SQLE: variants seen among roughly 807,000 people sequenced by gnomAD.
SQLE encodes squalene epoxidase.
A neutral mutation model predicts 60.7 loss-of-function variants in SQLE; 29 were observed. The observed-to-expected ratio is 0.48, with a 90% CI of 0.36 to 0.65. SQLE has a LOEUF of 0.65. Ranked by LOEUF, SQLE falls within the 30% of genes least tolerant of loss-of-function variation. The pLI is 0.00. For synonymous variants in SQLE, 237 were observed against 246.8 expected, an observed-to-expected ratio of 0.96 and a Z score of 0.37; for missense variants, 605 against 684.1, an observed-to-expected ratio of 0.88 and a Z score of 1.29.
intron 2 of SQLE, among the ~76,000 whole-genome samples, chr8:125,003,944 C>T (rs1048070880): frequency 7.2e-5 from 11 of 152,006 alleles, no homozygotes; most frequent in Admixed American, 2.6e-4. Context: ...CAAGCCCTCC[C>T]CTGTCTTTTT....
At position 125,013,356 on chromosome 8, in the gene SQLE, C is replaced by CTTTTTCTTTTTTTTTTT. The variant is rs71576761; in HGVS notation, c.1204+1729_1204+1730insCTTTTTTTTTTTTTTTT. ...AGATTTACTCCTATGTTTTCTTTTTCTTTTTTTTTTTTTGAGATGGAGTTT... is the reference window on the plus strand; with the variant it reads ...AGATTTACTCCTATGTTTTCTTTTTCTTTTTCTTTTTTTTTTTTTTTTTTTTTTTTGAGATGGAGTTT... On this transcript the variant is annotated intron_variant, in intron 7 of 10. Coordinates refer to ENST00000265896, the MANE Select transcript of SQLE (RefSeq NM_003129.4). Among the ~76,000 whole-genome samples, 38 of 136,414 alleles carry CTTTTTCTTTTTTTTTTT rather than the reference C, an allele frequency of 2.8e-4. 4 individuals are homozygous for CTTTTTCTTTTTTTTTTT. The highest frequency in any genetic ancestry group is 7.7e-3 in the Middle Eastern group (2 of 260). 89.5% of individuals were successfully genotyped at this position (136,414 alleles called of 152,430 possible).
chr8:125,014,734 G>C (rs1815085923), intron 7 of SQLE, among the ~76,000 whole-genome samples: 1 of 152,120 alleles, frequency 6.6e-6, no homozygotes, highest in African/African-American at 2.4e-5. Flanking sequence ...GTTCCTCATA[G>C]TACTGATTTC....
intron 7 of SQLE, among the ~76,000 whole-genome samples, chr8:125,012,632 A>G (rs1467563172): frequency 6.6e-6 from 1 of 152,184 alleles, no homozygotes; most frequent in Non-Finnish European, 1.5e-5. Flanking sequence ...GTGTGGCTAT[A>G]TTACATTTTG....
In SQLE at chr8:125,003,323, A is replaced by G. The variant is rs1337489997; in HGVS notation, c.439A>G (p.Arg147Gly). The G allele has an allele frequency of 3.1e-6, 5 of 1,614,000 alleles. No homozygotes were observed. The highest frequency in any genetic ancestry group is 4.2e-6 in the Non-Finnish European group (5 of 1,179,892). The change falls in exon 2 of 11, where the codon AGA (arginine) becomes GGA (glycine). Residue 147 changes from arginine (R) to glycine (G), a missense_variant. Coordinates refer to ENST00000265896, the MANE Select transcript of SQLE (RefSeq NM_003129.4). Reference sequence around the variant, plus strand: ...GGCAGCTGTGCTTTCCAGAGATGGAAGAAAGGTGACAGTCATTGAGAGAGA... The same window carrying G: ...GGCAGCTGTGCTTTCCAGAGATGGAGGAAAGGTGACAGTCATTGAGAGAGA... Reference protein sequence around the residue: ...ALAAVLSRDGRKVTVIERDLK... With the variant: ...ALAAVLSRDGGKVTVIERDLK...
chr8:125,003,769 G>C (rs1022333688), intron 2 of SQLE, among the ~76,000 whole-genome samples: 4 of 152,072 alleles, frequency 2.6e-5, no homozygotes, highest in African/African-American at 7.2e-5. Context: ...ACTTGTTACA[G>C]TGTTATTACT....
chr8:125,020,789 C>G lies in SQLE; in HGVS notation c.1450C>G (p.Leu484Val), dbSNP rs757623226. Residue 484 changes from leucine to valine, a missense_variant, in exon 10 of 11, where the codon CTG becomes GTG. Coordinates refer to ENST00000265896, the MANE Select transcript of SQLE (RefSeq NM_003129.4). ...ATTTTACAATTTTATTTTAGATTCCCTGCATCAACTAAGAAAAGCCTGTTT... is the reference window on the plus strand; with the variant it reads ...ATTTTACAATTTTATTTTAGATTCCGTGCATCAACTAAGAAAAGCCTGTTT... Reference protein sequence around the residue: ...YELFSATDDSLHQLRKACFLY... With the variant: ...YELFSATDDSVHQLRKACFLY... The G allele has an allele frequency of 2.5e-6, 4 of 1,608,752 alleles. No homozygotes were observed. The South Asian group carries it at 4.4e-5, about 18-fold the overall frequency.
At chr8:125,021,025 C>T (rs940005087) in intron 10 of SQLE, 154 bp downstream of exon 10, 31 of 603,194 alleles carry the variant, frequency 5.1e-5, no homozygotes, top group South Asian at 2.3e-4. Flanking sequence ...AATGAAGAAA[C>T]GCAATATTTA....
At chr8:125,009,135 GAA>G in intron 5 of SQLE, 35 bp from the exon 6 acceptor site, 1 of 1,569,638 alleles carries the variant, frequency 6.4e-7, no homozygotes, top group South Asian at 1.2e-5. Context: ...CTTGAAATTT[GAA>G]AATTATTAAA....
Position 125,021,987 on chromosome 8 carries a change from C to A in SQLE, c.*42C>A, listed in dbSNP as rs376975638. On this transcript the variant is annotated 3_prime_UTR_variant, in exon 11 of 11. Transcript: ENST00000265896. ...TTTGTGAATGAATATTTGGAACTTACCAAGTCCTAAGAGACTTTTGGAAGA... is the reference window on the plus strand; with the variant it reads ...TTTGTGAATGAATATTTGGAACTTAACAAGTCCTAAGAGACTTTTGGAAGA... 3 of 1,485,444 alleles carry A rather than the reference C, an allele frequency of 2.0e-6. No individual in the cohort carries two copies. Among genetic ancestry groups the A allele is most frequent in the African/African-American group, 1.4e-5 (1 of 71,834 alleles). 92.0% of individuals were successfully genotyped at this position (1,485,444 alleles called of 1,614,324 possible). A position where few individuals can be genotyped will look rare whatever the true frequency, so the allele number is the denominator to read the frequency against.
chr8:125,013,062 A>G (rs1168802121), intron 7 of SQLE, among the ~76,000 whole-genome samples: 4 of 152,194 alleles, frequency 2.6e-5, no homozygotes, highest in African/African-American at 4.8e-5. Flanking sequence ...GGAGAAATGT[A>G]TATTTAGACT....
chr8:125,015,476 T>C (rs781764555), intron 7 of SQLE, among the ~76,000 whole-genome samples: 4 of 152,204 alleles, frequency 2.6e-5, no homozygotes, highest in Non-Finnish European at 5.9e-5. Flanking sequence ...CCTGTTTCCT[T>C]TCTGTGAAGG....
At chr8:125,018,228 G>A in intron 8 of SQLE, 27 bp downstream of exon 8, 1 of 1,608,540 alleles carries the variant, frequency 6.2e-7, no homozygotes, top group East Asian at 2.2e-5. Flanking sequence ...TGACAAAAAT[G>A]TCTCAAAATG....
rs1056703769 is a variant in SQLE, at chr8:125,016,478, A to G, written c.1205-1581A>G. Among the ~76,000 whole-genome samples, 12 of 151,840 alleles carry G rather than the reference A, an allele frequency of 7.9e-5. No individual in the cohort carries two copies. Among genetic ancestry groups the G allele is most frequent in the African/African-American group, 2.7e-4 (11 of 41,340 alleles). On this transcript the variant is annotated intron_variant, in intron 7 of 10. Transcript: ENST00000265896. The surrounding 1 kb of genome is among the most constrained non-coding windows in gnomAD (Gnocchi z 4.1). ...TAAATTATTTCAGTTGTTTTGTTAA[A>G]CTTACCTGATAGCATTCTGAGTTCC...
At position 125,021,861 on chromosome 8, in the gene SQLE, T is replaced by C. The variant is rs756357586; in HGVS notation, c.1641T>C (p.Leu547=). The C allele has an allele frequency of 3.1e-6, 5 of 1,611,226 alleles. No individual in the cohort carries two copies. The South Asian group carries it at 5.5e-5, about 18-fold the overall frequency. ...SEPWITKPRA[L]LSSGAVLYKA... is the part of the protein sequence containing the mutation. ...CTTGGATTACAAAACCTCGAGCCCT[T>C]CTCAGTAGTGGTGCTGTATTGTACA... Residue 547 remains leucine, a synonymous_variant, in exon 11 of 11, where the codon CTT becomes CTC. Transcript: ENST00000265896.
At chr8:125,006,986 A>T (rs1240958661) in intron 3 of SQLE, among the ~76,000 whole-genome samples, 2 of 152,160 alleles carry the variant, frequency 1.3e-5, no homozygotes, top group South Asian at 4.1e-4. Context: ...TACAGGTGTG[A>T]GCCACCGTGC....
intron 6 of SQLE, chr8:125,010,979 A>C (rs570339445): frequency 1.3e-5 from 2 of 152,184 alleles, no homozygotes; most frequent in East Asian, 3.8e-4. Context: ...TTCATTTTCT[A>C]TATAAGTAGC....
In SQLE at chr8:125,009,234, C is replaced by T. The variant is rs1413661630; in HGVS notation, c.999C>T (p.Leu333=). 2.5e-6 allele frequency: 4 copies of T among 1,613,782 alleles called. No homozygotes were observed. The highest frequency in any genetic ancestry group is 1.3e-5 in the African/African-American group (1 of 74,932). Residue 333 remains leucine (L), a synonymous_variant, in exon 6 of 11, where the codon CTC becomes CTT. Coordinates refer to ENST00000265896, the MANE Select transcript of SQLE (RefSeq NM_003129.4). ...ELILANPSPV[L]IYQISSSETR... ...TTTTAGCTAACCCGAGTCCAGTTCT[C>T]ATCTACCAGATTTCATCCAGTGAAA...
intron 1 of SQLE, among the ~76,000 whole-genome samples, chr8:125,001,449 GGTGTGTGTGTGTGTGTGTGTGTGT>G (rs57946751): frequency 7.3e-5 from 10 of 137,022 alleles, no homozygotes; most frequent in South Asian, 5.0e-4. Context: ...CTCCTTTCAG[GGTGTGTGTGTGTGTGTGTGTGTGT>G]GTGTGTGTGT....
rs147513529 is a variant in SQLE at position 125,016,311 on chromosome 8, C to A, written c.1205-1748C>A. On this transcript the variant is annotated intron_variant, in intron 7 of 10. Transcript: ENST00000265896. The surrounding 1 kb of genome is among the most constrained non-coding windows in gnomAD (Gnocchi z 4.1). ...TCTTGATTATTCTTTTTTCTTTTGTCTCCTCTGTGTATTTTCAAATAGCCT... is the reference window on the plus strand; with the variant it reads ...TCTTGATTATTCTTTTTTCTTTTGTATCCTCTGTGTATTTTCAAATAGCCT... 4.7e-4 allele frequency among the ~76,000 whole-genome samples: 72 copies of A among 151,774 alleles called. 1 individual carries two copies. In the East Asian group the frequency reaches 0.012, roughly 25 times the overall value.
Sources: allele counts gnomAD v4.1 joint callset (sites outside exome capture counted in the v4.1 genomes callset), GRCh38; gene constraint gnomAD v4.1.1; non-coding constraint Gnocchi (gnomAD v3.1); transcripts MANE v1.5; gene names NCBI Gene and HGNC (gene_info 2026-07-23, HGNC 2026-07-21).